Variants in SAMD12 observed in about 807,000 individuals in gnomAD.
The protein encoded by SAMD12 is sterile alpha motif domain-containing protein 12.
In SAMD12, 9 loss-of-function variants were observed where a neutral mutation model predicts 15.0. That is an observed-to-expected ratio of 0.60 (90% CI 0.36 to 1.05). The LOEUF (loss-of-function observed/expected upper bound fraction) is 1.05. Among genes scored for constraint, SAMD12 ranks in the 50% least tolerant of loss-of-function variants. SAMD12 has a pLI of 0.01. For missense variants in SAMD12, 230 were observed against 234.2 expected, an observed-to-expected ratio of 0.98 and a Z score of 0.12; for synonymous variants, 86 against 90.1, an observed-to-expected ratio of 0.96 and a Z score of 0.25.
intron 4 of SAMD12, among the ~76,000 whole-genome samples, chr8:118,332,303 T>A (rs908128025): frequency 1.3e-5 from 2 of 152,242 alleles, no homozygotes; most frequent in African/African-American, 4.8e-5. Flanking sequence ...GTATTACATG[T>A]GTGACTGAAA....
chr8:118,283,595 A>G (rs1248272683), intron 4 of SAMD12, among the ~76,000 whole-genome samples: 1 of 152,218 alleles, frequency 6.6e-6, no homozygotes, highest in Non-Finnish European at 1.5e-5. Context: ...CTAATTTGCA[A>G]GATAAAGCTA....
chr8:118,234,663 A>T (rs1417336887), intron 4 of SAMD12, among the ~76,000 whole-genome samples: 1 of 144,438 alleles, frequency 6.9e-6, no homozygotes. Flanking sequence ...GTGAGACAAG[A>T]TCATGCCACT....
chr8:118,583,313 T>C (rs188523015), intron 1 of SAMD12, among the ~76,000 whole-genome samples: 1 of 152,286 alleles, frequency 6.6e-6, no homozygotes, highest in Admixed American at 6.5e-5. Context: ...ATTACTGTTA[T>C]TATCAATCAG....
At chr8:118,506,368 T>C (rs1200413241) in intron 2 of SAMD12, among the ~76,000 whole-genome samples, 2 of 152,208 alleles carry the variant, frequency 1.3e-5, no homozygotes, top group Admixed American at 1.3e-4. Flanking sequence ...CCCTAGTAAG[T>C]AAAACATCTC....
At chr8:118,460,698 G>A in intron 2 of SAMD12, among the ~76,000 whole-genome samples, 1 of 152,182 alleles carries the variant, frequency 6.6e-6, no homozygotes, top group East Asian at 1.9e-4. Context: ...AAGTGCAGAG[G>A]AGAAGGGCGG....
chr8:118,319,728 C>T (rs1816132259), intron 4 of SAMD12, among the ~76,000 whole-genome samples: 1 of 152,094 alleles, frequency 6.6e-6, no homozygotes, highest in African/African-American at 2.4e-5. Flanking sequence ...GAGGGAGCAA[C>T]TGAGGGTAAT....
At chr8:118,448,376 C>G (rs545999806) in intron 2 of SAMD12, among the ~76,000 whole-genome samples, 1 of 152,204 alleles carries the variant, frequency 6.6e-6, no homozygotes, top group South Asian at 2.1e-4. Context: ...TATTATATGT[C>G]TCTTCCCACT....
chr8:118,585,384 T>G (rs1006707863), intron 1 of SAMD12, among the ~76,000 whole-genome samples: 2 of 152,156 alleles, frequency 1.3e-5, no homozygotes, highest in East Asian at 3.8e-4. Context: ...GGTTATACAA[T>G]AATGTGAATG....
chr8:118,143,474 A>G, the SAMD12 span, among the ~76,000 whole-genome samples: 1 of 152,180 alleles, frequency 6.6e-6, no homozygotes, highest in Non-Finnish European at 1.5e-5. Flanking sequence ...GAAATGCAGA[A>G]CTCATGGCAT....
chr8:118,610,631 C>A (rs950703915), intron 1 of SAMD12, among the ~76,000 whole-genome samples: 1 of 152,174 alleles, frequency 6.6e-6, no homozygotes, highest in African/African-American at 2.4e-5. Flanking sequence ...AACATTAGTT[C>A]TTGTGTTTAC....
chr8:118,359,003 CTGTG>C (rs35454734), intron 4 of SAMD12, among the ~76,000 whole-genome samples: 33,137 of 149,246 alleles, frequency 0.22, 4,207 homozygotes, highest in African/African-American at 0.34. Context: ...TGGCATTAAA[CTGTG>C]TGTGTGTGTG....
chr8:118,283,229 C>T (rs1411656941), intron 4 of SAMD12, among the ~76,000 whole-genome samples: 1 of 152,014 alleles, frequency 6.6e-6, no homozygotes, highest in Non-Finnish European at 1.5e-5. Context: ...TTGACAAAAC[C>T]AAAATACTGC....
rs147192294 is a variant in SAMD12 at position 118,550,057 on chromosome 8, G to A, written c.192+30658C>T. 4.3e-3 allele frequency among the ~76,000 whole-genome samples: 653 copies of A among 152,300 alleles called. 5 individuals are homozygous for A. The highest frequency in any genetic ancestry group is 0.015 in the African/African-American group (625 of 41,560). On this transcript the variant is annotated intron_variant, in intron 2 of 3. Coordinates refer to ENST00000314727, the MANE Select transcript of SAMD12 (RefSeq NM_207506.3). ...AAGACCAAATCTACGACTGATTGGT[G>A]TACCTGAAAGTGACAGGGAGAATGG...
chr8:118,400,693 A>G (rs1323353243), intron 3 of SAMD12: 1 of 152,170 alleles, frequency 6.6e-6, no homozygotes, highest in Non-Finnish European at 1.5e-5. Flanking sequence ...AGAGTAATGG[A>G]GCATAGCAGG....
intron 2 of SAMD12, among the ~76,000 whole-genome samples, chr8:118,566,146 A>G (rs909498521): frequency 5.9e-5 from 9 of 152,138 alleles, no homozygotes; most frequent in African/African-American, 2.2e-4. Context: ...TGATCTCCCC[A>G]ATATCATTCT....
intron 2 of SAMD12, among the ~76,000 whole-genome samples, chr8:118,510,333 A>G (rs975317402): frequency 6.6e-6 from 1 of 152,112 alleles, no homozygotes; most frequent in Non-Finnish European, 1.5e-5. Flanking sequence ...ACTGACAAGC[A>G]TCTCAAGTGA....
intron 4 of SAMD12, among the ~76,000 whole-genome samples, chr8:118,372,460 A>G (rs1208416647): frequency 6.8e-6 from 1 of 147,828 alleles, no homozygotes; most frequent in Non-Finnish European, 1.5e-5. Flanking sequence ...CATTGTTTTC[A>G]TATGTATTAA....
intron 4 of SAMD12, among the ~76,000 whole-genome samples, chr8:118,265,054 C>A (rs754230470): frequency 6.6e-6 from 1 of 152,120 alleles, no homozygotes; most frequent in East Asian, 1.9e-4. Context: ...ATTCAGTTAT[C>A]TTAGCACTAT....
chr8:118,599,663 G>T (rs561338324), intron 1 of SAMD12, among the ~76,000 whole-genome samples: 1 of 152,134 alleles, frequency 6.6e-6, no homozygotes, highest in Non-Finnish European at 1.5e-5. Context: ...TAACTCTAGG[G>T]CTACAGTGTG....
Sources: gnomAD v4.1 joint callset for allele counts (sites outside exome capture counted in the v4.1 genomes callset) on GRCh38, gnomAD v4.1.1 for gene constraint, MANE v1.5 for transcripts, NCBI Gene and HGNC (gene_info 2026-07-23, HGNC 2026-07-21) for gene names.